MAN1A2: variants seen among roughly 807,000 people sequenced by gnomAD.
MAN1A2 encodes the protein mannosyl-oligosaccharide 1,2-alpha-mannosidase IB.
In MAN1A2, 26 loss-of-function variants were observed where a neutral mutation model predicts 75.7. The observed-to-expected ratio is 0.34, with a 90% CI of 0.25 to 0.48. The LOEUF (loss-of-function observed/expected upper bound fraction) is 0.48, where lower values mean the gene tolerates loss of function less well. Ranked by LOEUF, MAN1A2 falls within the 20% of genes least tolerant of loss-of-function variation. The pLI is 0.99. For missense variants in MAN1A2, 562 were observed against 775.5 expected, an observed-to-expected ratio of 0.72 and a Z score of 3.27; for synonymous variants, 247 against 264.6, an observed-to-expected ratio of 0.93 and a Z score of 0.65.
At chr1:117,439,373 ATAT>A (rs1287026056) in intron 5 of MAN1A2, among the ~76,000 whole-genome samples, 2 of 152,218 alleles carry the variant, frequency 1.3e-5, no homozygotes, top group African/African-American at 2.4e-5. Context: ...GGCTGCAAAA[ATAT>A]TATCTTAGTA....
chr1:117,378,955 T>G (rs779629564), intron 1 of MAN1A2, among the ~76,000 whole-genome samples: 1 of 152,162 alleles, frequency 6.6e-6, no homozygotes, highest in Non-Finnish European at 1.5e-5. Context: ...CATTACACAT[T>G]TCCTCCTGTG....
intron 6 of MAN1A2, 133 bp from the exon 7 acceptor site, chr1:117,460,356 T>C: frequency 1.9e-6 from 1 of 536,954 alleles, no homozygotes; most frequent in South Asian, 4.0e-5. Flanking sequence ...TAATACAATT[T>C]TAGATATAAA....
At chr1:117,487,413 A>T (rs10923319) in intron 8 of MAN1A2, among the ~76,000 whole-genome samples, 3 of 152,046 alleles carry the variant, frequency 2.0e-5, no homozygotes, top group Non-Finnish European at 4.4e-5. Context: ...ATAGGCTAGG[A>T]TACAATAAAT....
chr1:117,373,231 T>A (rs1348593582), intron 1 of MAN1A2, among the ~76,000 whole-genome samples: 1 of 152,180 alleles, frequency 6.6e-6, no homozygotes, highest in Non-Finnish European at 1.5e-5. Context: ...TCTTGTCATC[T>A]TTCTTTGTCT....
At chr1:117,398,799 A>T (rs1647309725) in intron 1 of MAN1A2, among the ~76,000 whole-genome samples, 2 of 152,194 alleles carry the variant, frequency 1.3e-5, no homozygotes, top group Admixed American at 1.3e-4. Flanking sequence ...AATAGGCCAT[A>T]ATATAATAGA....
intron 1 of MAN1A2, among the ~76,000 whole-genome samples, chr1:117,370,738 AGTGTGTGTGT>A (rs71658400): frequency 2.7e-5 from 4 of 148,210 alleles, no homozygotes; most frequent in African/African-American, 5.0e-5. Context: ...ATCTTCATTT[AGTGTGTGTGT>A]GTGTGTGTGT....
intron 9 of MAN1A2, chr1:117,494,817 A>AAGAGCT: frequency 6.6e-6 from 1 of 152,084 alleles, no homozygotes; most frequent in Non-Finnish European, 1.5e-5. Context: ...AGCTCTTAGT[A>AAGAGCT]ATTCCCACTA....
intron 5 of MAN1A2, among the ~76,000 whole-genome samples, chr1:117,421,165 G>A (rs926421608): frequency 3.9e-5 from 6 of 152,002 alleles, no homozygotes; most frequent in African/African-American, 1.4e-4. Flanking sequence ...GTGGGTGTAG[G>A]AAATTCCCTT....
intron 1 of MAN1A2, among the ~76,000 whole-genome samples, chr1:117,400,874 A>G (rs1647402612): frequency 6.6e-6 from 1 of 152,154 alleles, no homozygotes; most frequent in Non-Finnish European, 1.5e-5. Flanking sequence ...CATAAAATTT[A>G]CCATCTTAAC....
At chr1:117,411,072 G>A (rs1647801809) in intron 3 of MAN1A2, among the ~76,000 whole-genome samples, 1 of 151,576 alleles carries the variant, frequency 6.6e-6, no homozygotes. Flanking sequence ...AAATGACTAG[G>A]CTTTTCTGTA....
At chr1:117,463,619 G>A (rs1026833248) in intron 7 of MAN1A2, among the ~76,000 whole-genome samples, 3 of 152,010 alleles carry the variant, frequency 2.0e-5, no homozygotes. Flanking sequence ...AGAAAGCATG[G>A]CAATTGTGCA....
intron 3 of MAN1A2, among the ~76,000 whole-genome samples, chr1:117,411,964 T>A (rs1289947): frequency 6.6e-6 from 1 of 151,528 alleles, no homozygotes; most frequent in African/African-American, 2.4e-5. Context: ...TATTTCCTTG[T>A]TGCTCACAAA....
At chr1:117,466,196 C>A in intron 7 of MAN1A2, 138 bp from the exon 8 acceptor site, 1 of 539,940 alleles carries the variant, frequency 1.9e-6, no homozygotes, top group Non-Finnish European at 3.3e-6. Flanking sequence ...CCTGACTTCC[C>A]CCTGCCCCTC....
chr1:117,481,934 A>G (rs984760048), intron 8 of MAN1A2, among the ~76,000 whole-genome samples: 6 of 151,764 alleles, frequency 4.0e-5, no homozygotes, highest in African/African-American at 1.2e-4. Context: ...AACCCTTTCC[A>G]TTTTGCCTCA....
At position 117,420,509 on chromosome 1, in the gene MAN1A2, A is replaced by G. The variant is rs543524806; in HGVS notation, c.775-60A>G. ...GTGAAAAACAAATGAAGTATTGATA[A>G]TATTTTGAAAACTATAAAGCATTAC... On this transcript the variant is annotated intron_variant, in intron 4 of 12. Transcript: ENST00000356554. The G allele has an allele frequency of 2.0e-5, 24 of 1,212,356 alleles. No individual in the cohort carries two copies. In the South Asian group the frequency reaches 2.6e-4, roughly 13 times the overall value. 75.1% of individuals were successfully genotyped at this position (1,212,356 alleles called of 1,614,324 possible).
rs1250137892 is a variant in MAN1A2, at chr1:117,526,864, CTCTCTCTCTCTCTCTCTA to C, written c.*3909_*3926del. The stretch of plus-strand genomic sequence containing the variant: ...TTCCTCTCTCTCTCTCTCTCTCTCT[CTCTCTCTCTCTCTCTCTA>C]TATATATATATATATATATATATAT... On this transcript the variant is annotated 3_prime_UTR_variant, in exon 13 of 13. Coordinates refer to ENST00000356554, the MANE Select transcript of MAN1A2 (RefSeq NM_006699.5). The C allele has an allele frequency of 7.3e-5, 7 of 96,360 alleles. No individual in the cohort carries two copies. Among genetic ancestry groups the C allele is most frequent in the East Asian group, 2.7e-4 (1 of 3,730 alleles). The allele number at this position is 96,360 out of a possible 1,614,324, so 6.0% of individuals were successfully genotyped here.
chr1:117,470,410 C>T (rs941506618), intron 8 of MAN1A2, among the ~76,000 whole-genome samples: 2 of 152,062 alleles, frequency 1.3e-5, no homozygotes, highest in Admixed American at 6.6e-5. Context: ...GGTTTTACAG[C>T]ACTGTGAATA....
chr1:117,426,753 T>C (rs1162343399), intron 5 of MAN1A2, among the ~76,000 whole-genome samples: 1 of 152,194 alleles, frequency 6.6e-6, no homozygotes, highest in Non-Finnish European at 1.5e-5. Flanking sequence ...GAAAAAATCA[T>C]GAGTTGAACC....
chr1:117,515,914 TTA>T (rs1651701014), intron 12 of MAN1A2: 1 of 152,038 alleles, frequency 6.6e-6, no homozygotes, highest in African/African-American at 2.4e-5. Flanking sequence ...ATGGTAAACT[TTA>T]TGTCATGTGT....
Sources: allele counts gnomAD v4.1 joint callset (sites outside exome capture counted in the v4.1 genomes callset), GRCh38; gene constraint gnomAD v4.1.1; transcripts MANE v1.5; gene names NCBI Gene and HGNC (gene_info 2026-07-23, HGNC 2026-07-21).